WDR26: variants seen among roughly 807,000 people sequenced by gnomAD.
WDR26 encodes WD repeat-containing protein 26.
A neutral mutation model predicts 84.1 loss-of-function variants in WDR26; 5 were observed. The ratio of observed to expected loss-of-function variants is 0.06; its 90% confidence interval spans 0.03 to 0.13. The LOEUF (loss-of-function observed/expected upper bound fraction) is 0.13. Among genes scored for constraint, WDR26 ranks in the 10% least tolerant of loss-of-function variants. WDR26 has a pLI of 1.00. For missense variants in WDR26, 642 were observed against 974.9 expected, an observed-to-expected ratio of 0.66 and a Z score of 4.55; for synonymous variants, 415 against 389.6, an observed-to-expected ratio of 1.07 and a Z score of -0.77.
At chr1:224,390,765 A>T (rs1361275757) in intron 13 of WDR26, among the ~76,000 whole-genome samples, 1 of 151,880 alleles carries the variant, frequency 6.6e-6, no homozygotes, top group Non-Finnish European at 1.5e-5. Flanking sequence ...GTGAGACTCC[A>T]TCTCAAAACA....
At chr1:224,415,264 G>C (rs1673860068) in intron 6 of WDR26, among the ~76,000 whole-genome samples, 1 of 152,094 alleles carries the variant, frequency 6.6e-6, no homozygotes, top group Non-Finnish European at 1.5e-5. Flanking sequence ...GCAAAAATAG[G>C]TGAGAGGGAA....
intron 4 of WDR26, among the ~76,000 whole-genome samples, chr1:224,423,386 G>A (rs1025083156): frequency 9.9e-5 from 15 of 152,112 alleles, no homozygotes; most frequent in Admixed American, 5.2e-4. Context: ...CCCTTTATTC[G>A]GTCAAGGAAG....
intron 8 of WDR26, 140 bp from the exon 9 acceptor site, chr1:224,401,209 A>G (rs1274851650): frequency 1.3e-6 from 1 of 778,826 alleles, no homozygotes; most frequent in Admixed American, 3.3e-5. Flanking sequence ...GACCCTACAA[A>G]AAAGAGACAA....
chr1:224,415,530 T>C (rs544590960), intron 6 of WDR26, among the ~76,000 whole-genome samples: 95 of 145,310 alleles, frequency 6.5e-4, no homozygotes, highest in African/African-American at 2.3e-3. Context: ...GCGTGATCTC[T>C]GCTCACTGCA....
chr1:224,398,749 A>T, intron 10 of WDR26, 140 bp downstream of exon 10: 1 of 1,234,054 alleles, frequency 8.1e-7, no homozygotes, highest in South Asian at 1.5e-5. Flanking sequence ...GTTACTGATT[A>T]CTAAGTACCA....
chr1:224,433,357 CTT>C (rs1674460550), intron 1 of WDR26, among the ~76,000 whole-genome samples: 2 of 152,188 alleles, frequency 1.3e-5, no homozygotes, highest in Admixed American at 1.3e-4. Context: ...CCGCATCTGT[CTT>C]TATTGACAGA....
intron 3 of WDR26, chr1:224,429,480 A>G (rs534928771): frequency 1.1e-4 from 17 of 152,336 alleles, no homozygotes; most frequent in African/African-American, 3.1e-4. Flanking sequence ...ATTTAAGCTT[A>G]TATTAGATTC....
intron 4 of WDR26, among the ~76,000 whole-genome samples, chr1:224,421,627 A>C (rs1401649207): frequency 6.6e-6 from 1 of 152,146 alleles, no homozygotes; most frequent in East Asian, 1.9e-4. Context: ...TTTGTCAGCT[A>C]CCATATCAAA....
rs906198012 is a variant in WDR26 at position 224,403,618 on chromosome 1, T to C, written c.1599+812A>G. On this transcript the variant is annotated intron_variant, in intron 8 of 13. Transcript: ENST00000414423. Reference sequence around the variant, plus strand: ...GCCGACTTTTCCTAAAATGGGACCCTGCATAAAATTCAAATTTTCATATAT... The same window carrying C: ...GCCGACTTTTCCTAAAATGGGACCCCGCATAAAATTCAAATTTTCATATAT... Among the ~76,000 whole-genome samples, 11 of 152,290 alleles carry C rather than the reference T, an allele frequency of 7.2e-5. No individual in the cohort carries two copies. The South Asian group carries it at 2.1e-3, about 29-fold the overall frequency.
At position 224,388,677 on chromosome 1, in the gene WDR26, T is replaced by G. The variant is rs749711350; in HGVS notation, c.*1158A>C. 1.3e-5 allele frequency: 2 copies of G among 152,630 alleles called. No homozygotes were observed. The highest frequency in any genetic ancestry group is 1.3e-4 in the Admixed American group (2 of 15,280). 9.5% of individuals were successfully genotyped at this position (152,630 alleles called of 1,614,324 possible). A position where few individuals can be genotyped will look rare whatever the true frequency, so the allele number is the denominator to read the frequency against. ...ATTAAGGGCAATTAAGAAAAATGAC[T>G]ATGAGGTTTTAATCCCAGTTTAAGT... On this transcript the variant is annotated 3_prime_UTR_variant, in exon 14 of 14. Coordinates refer to ENST00000414423, the MANE Select transcript of WDR26 (RefSeq NM_001379403.1).
rs559348742 is a variant in WDR26, at chr1:224,389,081, A to C, written c.*754T>G. 18 of 152,772 alleles carry C rather than the reference A, an allele frequency of 1.2e-4. No individual in the cohort carries two copies. Among genetic ancestry groups the C allele is most frequent in the Admixed American group, 7.8e-4 (12 of 15,288 alleles). 9.5% of individuals were successfully genotyped at this position (152,772 alleles called of 1,614,324 possible). ...ATACTGTGTATCTAAGTCATTGAGG[A>C]AACTGTTTTTAAGCTGGTTTAGATT... On this transcript the variant is annotated 3_prime_UTR_variant, in exon 14 of 14. Transcript: ENST00000414423.
chr1:224,425,286 T>G (rs1003332408), intron 3 of WDR26, among the ~76,000 whole-genome samples: 2 of 152,254 alleles, frequency 1.3e-5, no homozygotes, highest in Admixed American at 1.3e-4. Context: ...ATAAGCTTGA[T>G]GCACTCACTC....
In WDR26 at chr1:224,411,544, C is replaced by T. The variant is rs373703552; in HGVS notation, c.1341G>A (p.Thr447=). 75 of 1,609,264 alleles carry T rather than the reference C, an allele frequency of 4.7e-5. No individual in the cohort carries two copies. Among genetic ancestry groups the T allele is most frequent in the Non-Finnish European group, 6.1e-5 (72 of 1,178,274 alleles). The change falls in exon 7 of 14, where the codon ACG becomes ACA. Residue 447 remains threonine (T), a synonymous_variant. Coordinates refer to ENST00000414423, the MANE Select transcript of WDR26 (RefSeq NM_001379403.1). ...TACAATGCTCCGTAAGTATCTGCTGCGTATAACATGGGAACTGCCTCCTAA... is the reference window on the plus strand; with the variant it reads ...TACAATGCTCCGTAAGTATCTGCTGTGTATAACATGGGAACTGCCTCCTAA...
chr1:224,413,190 C>A, intron 6 of WDR26: 1 of 754,660 alleles, frequency 1.3e-6, no homozygotes, highest in Middle Eastern at 3.6e-4. Context: ...TAGTCTCAAA[C>A]AACAACAACA....
At chr1:224,407,511 A>AT (rs1198678359) in intron 7 of WDR26, among the ~76,000 whole-genome samples, 193 of 141,656 alleles carry the variant, frequency 1.4e-3, no homozygotes, top group Admixed American at 2.6e-3. Flanking sequence ...ACATATATAA[A>AT]TTTTTTTTTT....
intron 10 of WDR26, 119 bp downstream of exon 10, chr1:224,398,770 A>T: frequency 7.5e-7 from 1 of 1,338,492 alleles, no homozygotes. Flanking sequence ...TGTGACCTTC[A>T]ATCCAAATTA....
chr1:224,433,256 C>T lies in WDR26; in HGVS notation c.722+428G>A, dbSNP rs1572223637. On this transcript the variant is annotated intron_variant, in intron 1 of 13. Transcript: ENST00000414423. ...GGGGAGGTGTCCCACAAAGATGCCT[C>T]CAAGATACACTTGAAAAACAAATCC... Among the ~76,000 whole-genome samples, 3 of 152,182 alleles carry T rather than the reference C, an allele frequency of 2.0e-5. No homozygotes were observed. The South Asian group carries it at 6.2e-4, about 32-fold the overall frequency.
chr1:224,404,918 T>C (rs1673511645), intron 7 of WDR26, among the ~76,000 whole-genome samples: 1 of 152,236 alleles, frequency 6.6e-6, no homozygotes, highest in Non-Finnish European at 1.5e-5. Flanking sequence ...AGCTATCTCT[T>C]ACATATTTTT....
intron 7 of WDR26, 134 bp downstream of exon 7, chr1:224,411,293 A>G (rs1226601391): frequency 1.2e-5 from 11 of 902,118 alleles, no homozygotes. Flanking sequence ...CAACACATGA[A>G]GATGTAAAAA....
Sources: gnomAD v4.1 joint callset for allele counts (sites outside exome capture counted in the v4.1 genomes callset) on GRCh38, gnomAD v4.1.1 for gene constraint, MANE v1.5 for transcripts, NCBI Gene and HGNC (gene_info 2026-07-23, HGNC 2026-07-21) for gene names.